CDH13: variants seen among roughly 807,000 people sequenced by gnomAD.
The protein encoded by CDH13 is cadherin 13.
Under a neutral mutation model 63.8 loss-of-function variants are expected in CDH13, and 24 were observed. The ratio of observed to expected loss-of-function variants is 0.38; its 90% CI spans 0.27 to 0.53. The LOEUF (loss-of-function observed/expected upper bound fraction) is 0.53, where lower values mean the gene tolerates loss of function less well. Among genes scored for constraint, CDH13 ranks in the 20% least tolerant of loss-of-function variants. The pLI, the probability that CDH13 is intolerant of heterozygous loss-of-function variation, is 0.85. For missense variants in CDH13, 1,049 were observed against 903.1 expected (o/e 1.16, Z -2.07); for synonymous variants, 503 against 355.3 (o/e 1.42, Z -4.67).
At chr16:83,512,688 A>T (rs1395288110) in intron 7 of CDH13, among the ~76,000 whole-genome samples, 2 of 148,688 alleles carry the variant, frequency 1.3e-5, no homozygotes, top group African/African-American at 2.5e-5. Flanking sequence ...ATAATAATAT[A>T]ATAATAATAA....
Position 83,799,914 on chromosome 16 carries a change from A to G in CDH13, c.*4884A>G. 6.6e-6 allele frequency: 1 copy of G among 151,996 alleles called. No individual in the cohort carries two copies. Among genetic ancestry groups the G allele is most frequent in the Non-Finnish European group, 1.5e-5 (1 of 68,004 alleles). 9.4% of individuals were successfully genotyped at this position (151,996 alleles called of 1,614,324 possible). A position where few individuals can be genotyped will look rare whatever the true frequency, so the allele number is the denominator to read the frequency against. ...AAAAATGGTGGGAATGGGTGTGTGT[A>G]TGAGGGTTTCAGATAAGAACTTCAA... On this transcript the variant is annotated 3_prime_UTR_variant, in exon 14 of 14. Coordinates refer to ENST00000567109, the MANE Select transcript of CDH13 (RefSeq NM_001257.5).
At chr16:83,006,068 T>C (rs2151429319) in intron 2 of CDH13, among the ~76,000 whole-genome samples, 1 of 152,358 alleles carries the variant, frequency 6.6e-6, no homozygotes, top group East Asian at 1.9e-4. Context: ...TTAAGGTTGG[T>C]AGCTTAAGAT....
chr16:83,338,425 C>T (rs1401057169), intron 5 of CDH13, among the ~76,000 whole-genome samples: 2 of 152,178 alleles, frequency 1.3e-5, no homozygotes, highest in African/African-American at 4.8e-5. Context: ...GGGCTCTCTG[C>T]AGTCAATATC....
chr16:83,468,127 C>A (rs543263314), intron 6 of CDH13, among the ~76,000 whole-genome samples: 38 of 152,290 alleles, frequency 2.5e-4, no homozygotes, highest in African/African-American at 8.7e-4. Context: ...AGTCCTATTC[C>A]TTGGACCTTG....
At chr16:83,140,864 G>A (rs1028466081) in intron 4 of CDH13, among the ~76,000 whole-genome samples, 8 of 152,152 alleles carry the variant, frequency 5.3e-5, no homozygotes, top group Admixed American at 4.6e-4. Flanking sequence ...CTGACCCAAG[G>A]TTTAAGGCAC....
intron 1 of CDH13, among the ~76,000 whole-genome samples, chr16:82,671,520 C>G (rs16958101): frequency 2.0e-5 from 3 of 152,112 alleles, no homozygotes; most frequent in African/African-American, 7.2e-5. Context: ...ACACCTATAC[C>G]TTCAATATCA....
intron 2 of CDH13, among the ~76,000 whole-genome samples, chr16:82,967,666 C>CA (rs398038363): frequency 2.6e-5 from 4 of 152,312 alleles, no homozygotes; most frequent in Middle Eastern, 3.4e-3. Context: ...GAGACCCCCC[C>CA]AGCCTGCTTT....
rs1915420093 is a variant in CDH13 at position 83,780,148 on chromosome 16, A to T, written c.1862A>T (p.Glu621Val). 1 of 1,612,022 alleles carries T rather than the reference A, an allele frequency of 6.2e-7. No individual in the cohort carries two copies. The highest frequency in any genetic ancestry group is 8.5e-7 in the Non-Finnish European group (1 of 1,178,902). The change falls in exon 12 of 14, where the codon GAA becomes GTA. Residue 621 changes from glutamate (E) to valine (V), a missense_variant. Glu to Val is a moderately radical substitution (Grantham distance 121, BLOSUM62 -2). Coordinates refer to ENST00000567109, the MANE Select transcript of CDH13 (RefSeq NM_001257.5). The stretch of plus-strand genomic sequence containing the variant: ...CCGAATACAGATCCTTTCAAATTTG[A>T]AATCCACAAACAAGCTGTTCCTGAT... Reference protein sequence around the residue: ...LHPNTDPFKFEIHKQAVPDKV... With the variant: ...LHPNTDPFKFVIHKQAVPDKV...
At chr16:83,680,985 A>G (rs1407792707) in intron 10 of CDH13, among the ~76,000 whole-genome samples, 1 of 151,968 alleles carries the variant, frequency 6.6e-6, no homozygotes, top group South Asian at 2.1e-4. Context: ...GGCACCAGCA[A>G]ACACCTCTCC....
intron 4 of CDH13, among the ~76,000 whole-genome samples, chr16:83,129,963 C>T (rs1437559366): frequency 6.6e-6 from 1 of 151,576 alleles, no homozygotes; most frequent in Non-Finnish European, 1.5e-5. Context: ...CTGTACTTGC[C>T]TCTCTCTCTC....
intron 1 of CDH13, among the ~76,000 whole-genome samples, chr16:82,717,573 G>C (rs2032467204): frequency 6.6e-6 from 1 of 152,090 alleles, no homozygotes; most frequent in Admixed American, 6.6e-5. Context: ...TTTAGATCCT[G>C]GTGGTTCCCG....
At chr16:83,792,643 A>C (rs1916351153) in intron 13 of CDH13, among the ~76,000 whole-genome samples, 1 of 152,208 alleles carries the variant, frequency 6.6e-6, no homozygotes, top group Admixed American at 6.5e-5. Flanking sequence ...ACAAAGAATT[A>C]TCCAACCCCA....
At chr16:83,216,429 T>TATATATATATATATATATAAAA (rs1282063080) in intron 4 of CDH13, among the ~76,000 whole-genome samples, 1 of 105,696 alleles carries the variant, frequency 9.5e-6, no homozygotes, top group Non-Finnish European at 2.0e-5. Context: ...TATATATATA[T>TATATATATATATATATATAAAA]ATATATATAT....
At chr16:83,130,898 G>A (rs368094102) in intron 4 of CDH13, among the ~76,000 whole-genome samples, 2 of 152,184 alleles carry the variant, frequency 1.3e-5, no homozygotes, top group Non-Finnish European at 2.9e-5. Context: ...AGGTGCTGTG[G>A]CAAGTTAGCC....
chr16:82,648,603 A>C (rs1910371318), intron 1 of CDH13, among the ~76,000 whole-genome samples: 1 of 152,144 alleles, frequency 6.6e-6, no homozygotes, highest in African/African-American at 2.4e-5. Flanking sequence ...AATAAAGAAA[A>C]AGAAGGGTGG....
At chr16:82,999,071 A>G (rs72794135) in intron 2 of CDH13, among the ~76,000 whole-genome samples, 17,563 of 152,080 alleles carry the variant, frequency 0.12, 1,203 homozygotes, top group African/African-American at 0.2. Flanking sequence ...ACTTTCCTTC[A>G]TTTGATACTT....
intron 5 of CDH13, among the ~76,000 whole-genome samples, chr16:83,291,305 ACTT>A (rs1299407292): frequency 1.3e-4 from 20 of 152,112 alleles, no homozygotes; most frequent in Non-Finnish European, 2.2e-4. Flanking sequence ...AGGGGGTTCT[ACTT>A]CTTCATCTTC....
intron 6 of CDH13, among the ~76,000 whole-genome samples, chr16:83,398,491 C>T (rs1406428414): frequency 6.6e-6 from 1 of 152,098 alleles, no homozygotes; most frequent in African/African-American, 2.4e-5. Context: ...CCAGGATGGT[C>T]TCATCTCATC....
intron 1 of CDH13, among the ~76,000 whole-genome samples, chr16:82,778,674 A>G (rs950698113): frequency 6.7e-6 from 1 of 149,480 alleles, no homozygotes; most frequent in Non-Finnish European, 1.5e-5. Context: ...ACTGATTGTT[A>G]TTCTATGCAT....
Sources: gnomAD v4.1 joint callset for allele counts (sites outside exome capture counted in the v4.1 genomes callset) on GRCh38, gnomAD v4.1.1 for gene constraint, MANE v1.5 for transcripts, NCBI Gene and HGNC (gene_info 2026-07-23, HGNC 2026-07-21) for gene names.